Variants in VWC2 observed in about 807,000 individuals in gnomAD.
The protein encoded by VWC2 is von Willebrand factor C domain containing 2.
In VWC2, 14 loss-of-function variants were observed where a neutral mutation model predicts 29.8. That is an observed-to-expected ratio of 0.47 (90% CI 0.31 to 0.74). The LOEUF (loss-of-function observed/expected upper bound fraction) is 0.74. Among genes scored for constraint, VWC2 ranks in the 30% least tolerant of loss-of-function variants. VWC2 has a pLI of 0.05. For missense variants in VWC2, 457 were observed against 459.8 expected, an observed-to-expected ratio of 0.99 and a Z score of 0.05; for synonymous variants, 213 against 199.0, an observed-to-expected ratio of 1.07 and a Z score of -0.59.
chr7:49,841,055 AT>A (rs1302842569), intron 3 of VWC2, among the ~76,000 whole-genome samples: 1 of 152,210 alleles, frequency 6.6e-6, no homozygotes, highest in Admixed American at 6.5e-5. Flanking sequence ...ATTTGGTCTT[AT>A]TTGGATTCCA....
At chr7:49,790,613 G>A (rs1788444322) in intron 2 of VWC2, among the ~76,000 whole-genome samples, 1 of 152,220 alleles carries the variant, frequency 6.6e-6, no homozygotes, top group East Asian at 1.9e-4. Flanking sequence ...AGAAAGTAGA[G>A]AGGGGCAGGG....
chr7:49,876,095 T>C (rs1031577004), intron 3 of VWC2, among the ~76,000 whole-genome samples: 1 of 152,206 alleles, frequency 6.6e-6, no homozygotes, highest in African/African-American at 2.4e-5. Context: ...TTTGTACTTC[T>C]GGAAGCTAAT....
rs1398103905 is a variant in VWC2, at chr7:49,859,788, GTGCACACACACACACA to G, written c.827-52245_827-52230del. Reference sequence around the variant, plus strand: ...TTGATGTGTCTTACAGTGCGCGTGCGTGCACACACACACACACACACACACACACACACACACTCAC... The same window carrying G: ...TTGATGTGTCTTACAGTGCGCGTGCGCACACACACACACACACACACTCAC... On this transcript the variant is annotated intron_variant, in intron 3 of 3. Transcript: ENST00000340652. 4.8e-3 allele frequency among the ~76,000 whole-genome samples: 707 copies of G among 148,516 alleles called. 4 individuals carry two copies. Among genetic ancestry groups the G allele is most frequent in the African/African-American group, 0.017 (667 of 40,134 alleles).
chr7:49,885,021 A>C (rs1356046757), intron 3 of VWC2, among the ~76,000 whole-genome samples: 2 of 152,230 alleles, frequency 1.3e-5, no homozygotes, highest in East Asian at 3.9e-4. Flanking sequence ...TTGTATGGCT[A>C]AATTTAAAAT....
At chr7:49,898,198 A>G (rs1232175984) in intron 3 of VWC2, among the ~76,000 whole-genome samples, 1 of 152,004 alleles carries the variant, frequency 6.6e-6, no homozygotes, top group East Asian at 1.9e-4. Context: ...GTGTGTATAT[A>G]TGTATGCTTT....
At chr7:49,896,122 C>G (rs961730046) in intron 3 of VWC2, among the ~76,000 whole-genome samples, 6 of 152,160 alleles carry the variant, frequency 3.9e-5, no homozygotes, top group Admixed American at 6.5e-5. Context: ...GGGTGGATCA[C>G]TTGAGGTTAG....
intron 2 of VWC2, among the ~76,000 whole-genome samples, chr7:49,791,783 A>G (rs1199873784): frequency 6.6e-6 from 1 of 152,086 alleles, no homozygotes; most frequent in Non-Finnish European, 1.5e-5. Context: ...TTTGTTATAC[A>G]TTCTTTAATT....
chr7:49,832,003 C>T (rs1055249056), intron 3 of VWC2, among the ~76,000 whole-genome samples: 1 of 152,174 alleles, frequency 6.6e-6, no homozygotes, highest in African/African-American at 2.4e-5. Context: ...AGCCTGTTCT[C>T]AGGAGGGGCA....
At chr7:49,894,239 C>A (rs1038003443) in intron 3 of VWC2, among the ~76,000 whole-genome samples, 2 of 152,348 alleles carry the variant, frequency 1.3e-5, no homozygotes, top group East Asian at 1.9e-4. Flanking sequence ...TCACCTCAGC[C>A]TCGACCACCC....
chr7:49,899,324 C>A (rs4917100), intron 3 of VWC2, among the ~76,000 whole-genome samples: 68,575 of 151,650 alleles, frequency 0.45, 15,765 homozygotes, highest in Non-Finnish European at 0.48. Context: ...CTATTTAGAG[C>A]AGTGCAAAAA....
chr7:49,816,502 G>T (rs1182290111), intron 3 of VWC2, among the ~76,000 whole-genome samples: 1 of 152,164 alleles, frequency 6.6e-6, no homozygotes, highest in Non-Finnish European at 1.5e-5. Context: ...CTTCTGATTT[G>T]GGTAATGACA....
At chr7:49,840,608 G>C (rs183219264) in intron 3 of VWC2, among the ~76,000 whole-genome samples, 6 of 152,254 alleles carry the variant, frequency 3.9e-5, no homozygotes, top group Non-Finnish European at 8.8e-5. Context: ...TAACTCCTCT[G>C]ATTCTATTTT....
chr7:49,863,826 T>C (rs184051243), intron 3 of VWC2, among the ~76,000 whole-genome samples: 106 of 152,362 alleles, frequency 7.0e-4, no homozygotes, highest in East Asian at 5.8e-4. Flanking sequence ...TTTTTACTCA[T>C]TCTTTTAGGT....
chr7:49,891,909 G>C (rs889207806), intron 3 of VWC2, among the ~76,000 whole-genome samples: 2 of 150,864 alleles, frequency 1.3e-5, no homozygotes, highest in African/African-American at 4.9e-5. Context: ...ATCAAGAGTA[G>C]AAAGTAAATG....
rs1352281542 is a variant in VWC2 at position 49,915,647 on chromosome 7, T to A, written c.*3462T>A. 6.6e-6 allele frequency: 1 copy of A among 152,158 alleles called. No homozygotes were observed. The highest frequency in any genetic ancestry group is 1.5e-5 in the Non-Finnish European group (1 of 68,020). 9.4% of individuals were successfully genotyped at this position (152,158 alleles called of 1,614,324 possible). On this transcript the variant is annotated 3_prime_UTR_variant, in exon 4 of 4. Transcript: ENST00000340652. ...CAAACAAGCATTGTTGGAAACTAAATCCATTATTTTAAATGTGGACTATTT... is the reference window on the plus strand; with the variant it reads ...CAAACAAGCATTGTTGGAAACTAAAACCATTATTTTAAATGTGGACTATTT...
At chr7:49,851,988 C>T (rs1790198980) in intron 3 of VWC2, among the ~76,000 whole-genome samples, 1 of 152,208 alleles carries the variant, frequency 6.6e-6, no homozygotes, top group Admixed American at 6.5e-5. Flanking sequence ...AAGATGGCAT[C>T]CTCATCCCCT....
At chr7:49,859,225 A>T (rs531147837) in intron 3 of VWC2, among the ~76,000 whole-genome samples, 1 of 152,334 alleles carries the variant, frequency 6.6e-6, no homozygotes, top group South Asian at 2.1e-4. Context: ...TATATTGCAG[A>T]TATCTTGAGT....
chr7:49,875,369 CAAAAAAAAAAAAA>C (rs71018432), intron 3 of VWC2, among the ~76,000 whole-genome samples: 2 of 19,016 alleles, frequency 1.1e-4, no homozygotes, highest in African/African-American at 2.2e-4. Context: ...GATTCTGACT[CAAAAAAAAAAAAA>C]AAAAAAAAAA....
intron 3 of VWC2, 111 bp from the exon 4 acceptor site, chr7:49,911,921 ACG>A: frequency 2.7e-6 from 2 of 743,212 alleles, no homozygotes; most frequent in Non-Finnish European, 3.7e-6. Context: ...AAACAAATAC[ACG>A]CACACACACA....
Sources: allele counts gnomAD v4.1 joint callset (sites outside exome capture counted in the v4.1 genomes callset), GRCh38; gene constraint gnomAD v4.1.1; transcripts MANE v1.5; gene names NCBI Gene and HGNC (gene_info 2026-07-23, HGNC 2026-07-21).